SGCZ: variants seen among roughly 807,000 people sequenced by gnomAD.
The protein encoded by SGCZ is zeta-sarcoglycan.
A neutral mutation model predicts 41.3 loss-of-function variants in SGCZ; 40 were observed. The ratio of observed to expected loss-of-function variants is 0.97; its 90% CI spans 0.75 to 1.26. The LOEUF is 1.26. Ranked by LOEUF, SGCZ falls within the 50% of genes most tolerant of loss-of-function variation. SGCZ has a pLI of 0.00. For synonymous variants in SGCZ, 206 were observed against 137.5 expected (o/e 1.50, Z -3.49); for missense variants, 552 against 369.8 (o/e 1.49, Z -4.04).
Position 14,679,274 on chromosome 8 carries a change from A to T in SGCZ, c.40-124348T>A, listed in dbSNP as rs979469152. On this transcript the variant is annotated intron_variant, in intron 1 of 7. Coordinates refer to ENST00000382080, the MANE Select transcript of SGCZ (RefSeq NM_139167.4). ...TTTAGAGTGTGCTTCTTTTGCATAC[A>T]TATTTTTTTTAAAGTTAACTGTAAG... Among the ~76,000 whole-genome samples the T allele has an allele frequency of 6.6e-5, 10 of 152,132 alleles. No homozygotes were observed. In the East Asian group the frequency reaches 1.9e-3, roughly 29 times the overall value.
At chr8:15,063,752 A>C (rs1288008261) in intron 1 of SGCZ, among the ~76,000 whole-genome samples, 1 of 152,238 alleles carries the variant, frequency 6.6e-6, no homozygotes, top group Non-Finnish European at 1.5e-5. Context: ...AAAGACATCC[A>C]GAACAAGACT....
At chr8:14,903,114 T>G (rs1799022112) in intron 1 of SGCZ, among the ~76,000 whole-genome samples, 1 of 152,100 alleles carries the variant, frequency 6.6e-6, no homozygotes, top group South Asian at 2.1e-4. Context: ...TTCCTTACAG[T>G]AAGTTTAATT....
At chr8:14,927,543 A>C (rs963527580) in intron 1 of SGCZ, among the ~76,000 whole-genome samples, 3 of 131,870 alleles carry the variant, frequency 2.3e-5, no homozygotes, top group African/African-American at 7.9e-5. Flanking sequence ...AGGAAGAGGA[A>C]GAAAGAAGAG....
intron 1 of SGCZ, among the ~76,000 whole-genome samples, chr8:14,851,368 C>CAAA (rs369090223): frequency 0.039 from 2,408 of 61,388 alleles, 261 homozygotes; most frequent in African/African-American, 0.13. Flanking sequence ...GACTCCATCT[C>CAAA]AAAAAAAAAA....
intron 1 of SGCZ, among the ~76,000 whole-genome samples, chr8:15,178,541 C>T (rs1391609125): frequency 1.3e-5 from 2 of 152,152 alleles, no homozygotes; most frequent in Non-Finnish European, 2.9e-5. Flanking sequence ...GCCCCTTATT[C>T]TTTGTTTATT....
intron 2 of SGCZ, among the ~76,000 whole-genome samples, chr8:14,398,746 T>C (rs1798989364): frequency 6.6e-6 from 1 of 152,178 alleles, no homozygotes; most frequent in Admixed American, 6.6e-5. Context: ...ATTGTTAAAC[T>C]ACAGAGTCTG....
At chr8:15,084,244 TC>T (rs1805868018) in intron 1 of SGCZ, among the ~76,000 whole-genome samples, 1 of 152,184 alleles carries the variant, frequency 6.6e-6, no homozygotes, top group Admixed American at 6.5e-5. Context: ...ATTGACATCT[TC>T]TGATAAGTAT....
chr8:14,272,639 G>T (rs1000696901), intron 3 of SGCZ, among the ~76,000 whole-genome samples: 2 of 152,150 alleles, frequency 1.3e-5, no homozygotes, highest in African/African-American at 4.8e-5. Flanking sequence ...ACTTAAACGT[G>T]TCCTGGTGTG....
intron 1 of SGCZ, among the ~76,000 whole-genome samples, chr8:15,064,568 T>A (rs1268387463): frequency 6.7e-6 from 1 of 148,738 alleles, no homozygotes; most frequent in Non-Finnish European, 1.5e-5. Context: ...AAAGTCTGAG[T>A]TTCAGTGGAA....
intron 1 of SGCZ, among the ~76,000 whole-genome samples, chr8:14,617,876 G>C (rs1806157658): frequency 6.6e-6 from 1 of 150,736 alleles, no homozygotes; most frequent in Non-Finnish European, 1.5e-5. Context: ...GTGTGTGTGT[G>C]CCTTTAAAAT....
chr8:15,108,534 C>G (rs1287365230), intron 1 of SGCZ, among the ~76,000 whole-genome samples: 1 of 152,046 alleles, frequency 6.6e-6, no homozygotes, highest in Non-Finnish European at 1.5e-5. Context: ...GCTAAGAGCT[C>G]AGAACACAAA....
chr8:14,528,826 C>CAAAAAA (rs1803032068), intron 2 of SGCZ, among the ~76,000 whole-genome samples: 1 of 6,168 alleles, frequency 1.6e-4, no homozygotes, highest in Admixed American at 1.1e-3. Context: ...CACGGACCAG[C>CAAAAAA]CAAAAAAAAA....
intron 2 of SGCZ, among the ~76,000 whole-genome samples, chr8:14,397,463 AATT>A (rs1268982462): frequency 6.6e-6 from 1 of 152,126 alleles, no homozygotes; most frequent in Non-Finnish European, 1.5e-5. Context: ...ACCATAAAAT[AATT>A]ATAAATCAAG....
intron 1 of SGCZ, among the ~76,000 whole-genome samples, chr8:14,936,723 T>G (rs1213051851): frequency 6.6e-6 from 1 of 151,962 alleles, no homozygotes; most frequent in Non-Finnish European, 1.5e-5. Context: ...ACCACATTAC[T>G]TGGCTTTAAA....
chr8:14,229,731 C>T (rs985296188), intron 4 of SGCZ, among the ~76,000 whole-genome samples: 6 of 151,890 alleles, frequency 4.0e-5, no homozygotes, highest in Non-Finnish European at 8.8e-5. Context: ...TTTTATACAT[C>T]CTATACCATC....
intron 1 of SGCZ, among the ~76,000 whole-genome samples, chr8:14,915,649 G>A (rs954438134): frequency 1.3e-5 from 2 of 152,132 alleles, no homozygotes; most frequent in African/African-American, 4.8e-5. Flanking sequence ...CCTTCCCCAT[G>A]CTATGTAAAC....
intron 1 of SGCZ, among the ~76,000 whole-genome samples, chr8:14,770,207 T>C (rs1344366874): frequency 1.3e-5 from 2 of 151,340 alleles, no homozygotes; most frequent in African/African-American, 4.8e-5. Flanking sequence ...TAAGATTGTT[T>C]AAATACATCA....
At chr8:14,515,291 T>G (rs1243172331) in intron 2 of SGCZ, among the ~76,000 whole-genome samples, 1 of 152,110 alleles carries the variant, frequency 6.6e-6, no homozygotes, top group Non-Finnish European at 1.5e-5. Context: ...TGCTGTATTT[T>G]TGCCTCAGAG....
At chr8:14,368,011 T>G (rs1421231458) in intron 2 of SGCZ, among the ~76,000 whole-genome samples, 1 of 152,110 alleles carries the variant, frequency 6.6e-6, no homozygotes, top group Admixed American at 6.6e-5. Flanking sequence ...ATATCTATTT[T>G]AATTTATTCA....
Sources: gnomAD v4.1 joint callset for allele counts (sites outside exome capture counted in the v4.1 genomes callset) on GRCh38, gnomAD v4.1.1 for gene constraint, MANE v1.5 for transcripts, NCBI Gene and HGNC (gene_info 2026-07-23, HGNC 2026-07-21) for gene names.